USP10: variants seen among roughly 807,000 people sequenced by gnomAD.
USP10 encodes the protein ubiquitin specific peptidase 10.
A neutral mutation model predicts 84.5 loss-of-function variants in USP10; 22 were observed. That is an observed-to-expected ratio of 0.26 (90% CI 0.19 to 0.37). The LOEUF is 0.37. USP10 is among the 10% of genes least tolerant of loss of function. USP10 has a pLI of 1.00. For synonymous variants in USP10, 454 were observed against 387.6 expected (o/e 1.17, Z -2.01); for missense variants, 1,019 against 998.9 (o/e 1.02, Z -0.27).
intron 4 of USP10, among the ~76,000 whole-genome samples, chr16:84,756,972 C>G (rs891026813): frequency 3.9e-5 from 6 of 152,174 alleles, no homozygotes; most frequent in African/African-American, 1.4e-4. Context: ...AGGGCTCAAC[C>G]TCTTGAGTCA....
chr16:84,715,986 C>T (rs1186727040), intron 1 of USP10, among the ~76,000 whole-genome samples: 1 of 152,136 alleles, frequency 6.6e-6, no homozygotes, highest in East Asian at 1.9e-4. Context: ...AGGCAGTGTC[C>T]TGAGCTTCTT....
chr16:84,708,420 C>T (rs1175972271), intron 1 of USP10, among the ~76,000 whole-genome samples: 1 of 151,954 alleles, frequency 6.6e-6, no homozygotes, highest in Non-Finnish European at 1.5e-5. Context: ...CACTTCACTC[C>T]AGCCTGGACG....
At chr16:84,710,876 G>T (rs1326545340) in intron 1 of USP10, among the ~76,000 whole-genome samples, 1 of 152,142 alleles carries the variant, frequency 6.6e-6, no homozygotes, top group Non-Finnish European at 1.5e-5. Context: ...ATGGGTTTGT[G>T]TACAGCTTTT....
intron 2 of USP10, among the ~76,000 whole-genome samples, chr16:84,737,445 C>T (rs981435042): frequency 1.3e-5 from 2 of 152,194 alleles, no homozygotes; most frequent in African/African-American, 2.4e-5. Flanking sequence ...TACCCAGTTA[C>T]CACAGACTAA....
intron 1 of USP10, among the ~76,000 whole-genome samples, chr16:84,706,356 T>C (rs1434112518): frequency 2.6e-5 from 4 of 152,078 alleles, no homozygotes; most frequent in African/African-American, 9.6e-5. Context: ...ACTTCATTTT[T>C]TAGAGCAGTT....
intron 1 of USP10, among the ~76,000 whole-genome samples, chr16:84,713,662 C>T (rs1195785104): frequency 6.6e-6 from 1 of 152,178 alleles, no homozygotes; most frequent in Non-Finnish European, 1.5e-5. Flanking sequence ...CCACAGTGGA[C>T]ATATTCAGAA....
intron 10 of USP10, among the ~76,000 whole-genome samples, chr16:84,766,800 T>G (rs1174637002): frequency 2.6e-5 from 4 of 152,148 alleles, no homozygotes; most frequent in Non-Finnish European, 5.9e-5. Context: ...TGAAAAACGG[T>G]AAAGCAAAGA....
chr16:84,720,127 A>G (rs1450279682), intron 1 of USP10, among the ~76,000 whole-genome samples: 2 of 152,208 alleles, frequency 1.3e-5, no homozygotes, highest in Non-Finnish European at 1.5e-5. Context: ...TAGATTTTCT[A>G]GGAGATTTGA....
At chr16:84,724,958 G>C (rs762486049) in intron 1 of USP10, among the ~76,000 whole-genome samples, 7 of 152,118 alleles carry the variant, frequency 4.6e-5, no homozygotes, top group Non-Finnish European at 8.8e-5. Flanking sequence ...ACTGGGCTTT[G>C]ATTCATAAAG....
At chr16:84,729,226 T>A (rs990879519) in intron 1 of USP10, among the ~76,000 whole-genome samples, 3 of 152,284 alleles carry the variant, frequency 2.0e-5, no homozygotes, top group Non-Finnish European at 2.9e-5. Flanking sequence ...ATGGATTATT[T>A]TATCACATCA....
Position 84,745,084 on chromosome 16 carries a change from C to T in USP10, c.603C>T (p.Pro201=), listed in dbSNP as rs1812062. The T allele has an allele frequency of 0.17, 268,875 of 1,613,190 alleles. 27,426 individuals are homozygous for T. Among genetic ancestry groups the T allele is most frequent in the East Asian group, 0.41 (18,559 of 44,792 alleles). ...AEDAEFMGDM[P]PSVTPRTCNS... is the part of the protein sequence containing the mutation. ...ATGCAGAATTTATGGGTGACATGCC[C>T]CCGTCAGTTACGCCCAGGACTTGTA... Residue 201 remains proline (P), a synonymous_variant, in exon 4 of 14, where the codon CCC becomes CCT. Transcript: ENST00000219473.
chr16:84,745,741 T>C, intron 4 of USP10, 68 bp downstream of exon 4: 1 of 1,483,572 alleles, frequency 6.7e-7, no homozygotes, highest in Non-Finnish European at 9.1e-7. Flanking sequence ...GCTTATAGAC[T>C]GTGGTGTTAC....
chr16:84,735,354 A>G, intron 2 of USP10, among the ~76,000 whole-genome samples: 1 of 152,160 alleles, frequency 6.6e-6, no homozygotes, highest in Non-Finnish European at 1.5e-5. Flanking sequence ...ATGGGTGGGT[A>G]CCTGTTTGCA....
chr16:84,730,281 C>T (rs113902372), intron 1 of USP10, among the ~76,000 whole-genome samples: 15 of 152,026 alleles, frequency 9.9e-5, no homozygotes, highest in Non-Finnish European at 1.6e-4. Context: ...ACTCTATTTT[C>T]CTACCTTTTT....
intron 1 of USP10, among the ~76,000 whole-genome samples, chr16:84,729,659 A>C (rs1472711242): frequency 1.3e-5 from 2 of 152,202 alleles, no homozygotes; most frequent in African/African-American, 4.8e-5. Flanking sequence ...TCAGTTATAA[A>C]ATCGAAAGGA....
intron 13 of USP10, among the ~76,000 whole-genome samples, chr16:84,778,648 C>T (rs755872051): frequency 4.6e-5 from 7 of 152,128 alleles, no homozygotes; most frequent in South Asian, 2.1e-4. Context: ...GGTTAATATG[C>T]GTACATGCAC....
In USP10 at chr16:84,767,701, G is replaced by A. The variant is rs555792503; in HGVS notation, c.1833-492G>A. ...ATATGTTTTCTTCCAGAGCACTGGC[G>A]TTGGGAACATTTATCAACTGGTAGA... On this transcript the variant is annotated intron_variant, in intron 10 of 13. Transcript: ENST00000219473. Among the ~76,000 whole-genome samples the A allele has an allele frequency of 3.3e-5, 5 of 152,352 alleles. No individual in the cohort carries two copies. In the Middle Eastern group the frequency reaches 0.01, roughly 311 times the overall value.
At chr16:84,730,024 G>T (rs753321845) in intron 1 of USP10, among the ~76,000 whole-genome samples, 4 of 152,126 alleles carry the variant, frequency 2.6e-5, no homozygotes, top group Non-Finnish European at 5.9e-5. Context: ...GATTTCTGTT[G>T]TGTTTACTTT....
At chr16:84,746,329 G>T (rs1911220194) in intron 4 of USP10, among the ~76,000 whole-genome samples, 2 of 152,186 alleles carry the variant, frequency 1.3e-5, no homozygotes, top group African/African-American at 4.8e-5. Context: ...TATGAAAGAG[G>T]TATGTGTCCT....
Sources: allele counts gnomAD v4.1 joint callset (sites outside exome capture counted in the v4.1 genomes callset), GRCh38; gene constraint gnomAD v4.1.1; transcripts MANE v1.5; gene names NCBI Gene and HGNC (gene_info 2026-07-23, HGNC 2026-07-21).